The following CD2AP variants were observed in gnomAD, a reference collection of about 807,000 sequenced individuals.
The protein encoded by CD2AP is CD2-associated protein.
In CD2AP, 46 loss-of-function variants were observed where a neutral mutation model predicts 85.1. The observed-to-expected ratio is 0.54, with a 90% CI of 0.43 to 0.69. The LOEUF (loss-of-function observed/expected upper bound fraction) is 0.69. CD2AP is among the 30% of genes least tolerant of loss of function. The pLI is 0.00. For synonymous variants in CD2AP, 255 were observed against 252.9 expected, an observed-to-expected ratio of 1.01 and a Z score of -0.08; for missense variants, 769 against 729.5, an observed-to-expected ratio of 1.05 and a Z score of -0.62.
intron 11 of CD2AP, among the ~76,000 whole-genome samples, chr6:47,584,636 C>G (rs1768572735): frequency 6.6e-6 from 1 of 151,962 alleles, no homozygotes; most frequent in Non-Finnish European, 1.5e-5. Flanking sequence ...ACTTTCCTAG[C>G]TTTATCTTTC....
At chr6:47,536,553 A>G (rs906203796) in intron 3 of CD2AP, among the ~76,000 whole-genome samples, 1 of 152,166 alleles carries the variant, frequency 6.6e-6, no homozygotes, top group African/African-American at 2.4e-5. Context: ...CTAGTGAGCT[A>G]TTCTTCTCTA....
rs1293857106 is a variant in CD2AP, at chr6:47,533,701, G to A, written c.265G>A (p.Gly89Arg). 4 of 1,614,018 alleles carry A rather than the reference G, an allele frequency of 2.5e-6. No homozygotes were observed. The highest frequency in any genetic ancestry group is 3.4e-6 in the Non-Finnish European group (4 of 1,179,970). Residue 89 changes from glycine to arginine, a missense_variant, in exon 3 of 18, where the codon GGA becomes AGA. Physicochemically the swap from Gly to Arg is moderately radical, Grantham distance 125 (BLOSUM62 -2). Coordinates refer to ENST00000359314, the MANE Select transcript of CD2AP (RefSeq NM_012120.3). Reference protein sequence around the residue: ...ASLVQRISTYGLPAGGIQPHP... With the variant: ...ASLVQRISTYRLPAGGIQPHP... Reference sequence around the variant, plus strand: ...TCTTGTACAACGAATAAGCACCTATGGACTTCCAGCTGGAGGAATTCAGCC... The same window carrying A: ...TCTTGTACAACGAATAAGCACCTATAGACTTCCAGCTGGAGGAATTCAGCC...
intron 12 of CD2AP, among the ~76,000 whole-genome samples, chr6:47,597,119 A>G (rs920968990): frequency 6.6e-6 from 1 of 150,826 alleles, no homozygotes; most frequent in Non-Finnish European, 1.5e-5. Context: ...GGCTGTGCCA[A>G]CAGTCCTCAT....
At chr6:47,582,945 G>A (rs528549240) in intron 11 of CD2AP, among the ~76,000 whole-genome samples, 110 of 152,048 alleles carry the variant, frequency 7.2e-4, no homozygotes, top group African/African-American at 2.1e-3. Context: ...ACCACGCCCG[G>A]CTAATTTTTT....
At chr6:47,486,444 G>T in intron 1 of CD2AP, among the ~76,000 whole-genome samples, 1 of 152,078 alleles carries the variant, frequency 6.6e-6, no homozygotes. Context: ...GAGAGTATAG[G>T]GTCAGTGTCA....
intron 5 of CD2AP, among the ~76,000 whole-genome samples, chr6:47,566,340 A>G (rs1768001502): frequency 6.8e-6 from 1 of 147,884 alleles, no homozygotes. Flanking sequence ...ACACATATAT[A>G]TATATGTATG....
Position 47,533,617 on chromosome 6 carries a change from A to G in CD2AP, c.181A>G (p.Thr61Ala). ...CCTTTTGTAGGAAATTAAAAGAGAG[A>G]CGGAATTCAAGGATGACAGTTTGCC... The part of the protein sequence containing the change: ...DNFVKEIKRE[T>A]EFKDDSLPIK... Residue 61 changes from threonine to alanine, a missense_variant, in exon 3 of 18, where the codon ACG (threonine) becomes GCG (alanine). Thr to Ala is a moderately conservative substitution (Grantham distance 58, BLOSUM62 0). Transcript: ENST00000359314. 1.2e-6 allele frequency: 2 copies of G among 1,613,930 alleles called. No individual in the cohort carries two copies. Among genetic ancestry groups the G allele is most frequent in the Non-Finnish European group, 1.7e-6 (2 of 1,179,936 alleles).
intron 1 of CD2AP, among the ~76,000 whole-genome samples, chr6:47,493,407 A>C (rs1765782244): frequency 7.0e-6 from 1 of 143,572 alleles, no homozygotes; most frequent in Non-Finnish European, 1.5e-5. Flanking sequence ...TCTTGCCTTC[A>C]TGTTTTCTGA....
At chr6:47,596,694 T>C (rs1217994315) in intron 12 of CD2AP, among the ~76,000 whole-genome samples, 3 of 152,150 alleles carry the variant, frequency 2.0e-5, no homozygotes, top group Admixed American at 6.6e-5. Context: ...ATATTTTGGC[T>C]GTTGTGAATA....
chr6:47,497,031 G>A (rs1206948351), intron 1 of CD2AP, among the ~76,000 whole-genome samples: 1 of 151,760 alleles, frequency 6.6e-6, no homozygotes, highest in African/African-American at 2.4e-5. Flanking sequence ...TAATATCAAG[G>A]CTGTTAACAT....
At chr6:47,582,240 A>G in intron 11 of CD2AP, 175 bp downstream of exon 11, 1 of 556,904 alleles carries the variant, frequency 1.8e-6, no homozygotes, top group Non-Finnish European at 3.3e-6. Flanking sequence ...ACAGATAACA[A>G]TTTACATTCA....
At chr6:47,589,842 T>A (rs1247283369) in intron 11 of CD2AP, among the ~76,000 whole-genome samples, 1 of 151,990 alleles carries the variant, frequency 6.6e-6, no homozygotes, top group African/African-American at 2.4e-5. Context: ...TTGATTTAGT[T>A]CCTAAAGGGA....
chr6:47,551,144 A>G (rs1767508638), intron 4 of CD2AP, among the ~76,000 whole-genome samples: 1 of 152,118 alleles, frequency 6.6e-6, no homozygotes, highest in African/African-American at 2.4e-5. Flanking sequence ...GAACTTACTT[A>G]TGTAACCTAA....
At chr6:47,481,255 T>C (rs550461969) in intron 1 of CD2AP, among the ~76,000 whole-genome samples, 1 of 152,336 alleles carries the variant, frequency 6.6e-6, no homozygotes, top group East Asian at 1.9e-4. Context: ...AGAATTTCTC[T>C]TTAATAATTT....
At chr6:47,512,290 C>G (rs535760693) in intron 2 of CD2AP, among the ~76,000 whole-genome samples, 1 of 152,056 alleles carries the variant, frequency 6.6e-6, no homozygotes, top group Non-Finnish European at 1.5e-5. Context: ...TGCAGTGAGC[C>G]GAGATCGCAC....
In CD2AP at chr6:47,595,950, A is replaced by C; in HGVS notation, c.1198A>C (p.Asn400His). The C allele has an allele frequency of 6.2e-7, 1 of 1,612,766 alleles. No individual in the cohort carries two copies. Among genetic ancestry groups the C allele is most frequent in the South Asian group, 1.1e-5 (1 of 91,044 alleles). Residue 400 changes from asparagine to histidine, a missense_variant, in exon 12 of 18, where the codon AAT (asparagine) becomes CAT (histidine). Asn to His is a moderately conservative substitution (Grantham distance 68). Coordinates refer to ENST00000359314, the MANE Select transcript of CD2AP (RefSeq NM_012120.3). ...ACCTACTCCACCTACCAAAGCCAGT[A>C]ATTTACTGAGATCTTCTGGAACAGT... is the stretch of plus-strand genomic sequence containing the variant. Reference protein sequence around the residue: ...KKPTPPTKASNLLRSSGTVYP... With the variant: ...KKPTPPTKASHLLRSSGTVYP...
chr6:47,583,824 GT>G (rs1033110855), intron 11 of CD2AP, among the ~76,000 whole-genome samples: 12 of 152,284 alleles, frequency 7.9e-5, no homozygotes, highest in African/African-American at 2.6e-4. Context: ...ATTGAGTTTT[GT>G]AGGCGCAACT....
At position 47,562,949 on chromosome 6, in the gene CD2AP, A is replaced by G. The variant is rs76334959; in HGVS notation, c.541+8183A>G. On this transcript the variant is annotated intron_variant, in intron 5 of 17. Coordinates refer to ENST00000359314, the MANE Select transcript of CD2AP (RefSeq NM_012120.3). Reference sequence around the variant, plus strand: ...ATAAAGAAATTGGTTGTGGTTGGGTAGTAGTTAAGGACTATGGCAAAGAAT... The same window carrying G: ...ATAAAGAAATTGGTTGTGGTTGGGTGGTAGTTAAGGACTATGGCAAAGAAT... 8.6e-5 allele frequency: 49 copies of G among 572,130 alleles called. No homozygotes were observed. The East Asian group carries it at 1.2e-3, about 14-fold the overall frequency. 35.4% of individuals were successfully genotyped at this position (572,130 alleles called of 1,614,324 possible).
chr6:47,625,448 T>C lies in CD2AP; in HGVS notation c.*1221T>C, dbSNP rs918864419. The stretch of plus-strand genomic sequence containing the variant: ...ATATTTAAAATACATTTTCACAGAA[T>C]GGATGAATTAGTTGTTTCTTCAGAG... On this transcript the variant is annotated 3_prime_UTR_variant, in exon 18 of 18. Coordinates refer to ENST00000359314, the MANE Select transcript of CD2AP (RefSeq NM_012120.3). The C allele has an allele frequency of 6.6e-6, 1 of 151,936 alleles. No individual in the cohort carries two copies. Among genetic ancestry groups the C allele is most frequent in the African/African-American group, 2.4e-5 (1 of 41,448 alleles). The allele number at this position is 151,936 out of a possible 1,614,324, so 9.4% of individuals were successfully genotyped here. A position where few individuals can be genotyped will look rare whatever the true frequency, so the allele number is the denominator to read the frequency against.
Sources: gnomAD v4.1 joint callset for allele counts (sites outside exome capture counted in the v4.1 genomes callset) on GRCh38, gnomAD v4.1.1 for gene constraint, MANE v1.5 for transcripts, NCBI Gene and HGNC (gene_info 2026-07-23, HGNC 2026-07-21) for gene names.